Variants in TENM2 observed in about 807,000 individuals in gnomAD.
TENM2 encodes teneurin transmembrane protein 2.
TENM2 carries 52 observed loss-of-function variants against 245.2 expected under a neutral mutation model. That is an observed-to-expected ratio of 0.21 (90% confidence interval 0.17 to 0.27). The LOEUF is 0.27. Ranked by LOEUF, TENM2 falls within the 10% of genes least tolerant of loss-of-function variation. TENM2 has a pLI of 1.00. For missense variants in TENM2, 3,046 were observed against 3,666.8 expected (o/e 0.83, Z 4.37); for synonymous variants, 1,363 against 1,438.9 (o/e 0.95, Z 1.19).
At chr5:167,745,592 G>A (rs1189773564) in intron 2 of TENM2, among the ~76,000 whole-genome samples, 1 of 152,064 alleles carries the variant, frequency 6.6e-6, no homozygotes, top group African/African-American at 2.4e-5. Context: ...GCAAATTTAT[G>A]GAGTTGAACA....
chr5:167,489,756 T>C (rs564618187), intron 2 of TENM2, among the ~76,000 whole-genome samples: 61 of 152,330 alleles, frequency 4.0e-4, no homozygotes, highest in African/African-American at 1.4e-3. Flanking sequence ...TTTTCGTAAG[T>C]GAATGAATAA....
chr5:168,044,203 C>T (rs1330994613), intron 5 of TENM2, among the ~76,000 whole-genome samples: 3 of 152,138 alleles, frequency 2.0e-5, no homozygotes, highest in African/African-American at 7.2e-5. Flanking sequence ...ATCACGAGGT[C>T]AGGAGATCAA....
chr5:167,853,011 G>T (rs935513019), intron 2 of TENM2, among the ~76,000 whole-genome samples: 1 of 147,866 alleles, frequency 6.8e-6, no homozygotes, highest in Non-Finnish European at 1.5e-5. Flanking sequence ...GCTCTGCCAG[G>T]CGCGGTGGCT....
chr5:167,261,717 C>G, the TENM2 span, among the ~76,000 whole-genome samples: 1 of 152,146 alleles, frequency 6.6e-6, no homozygotes, highest in African/African-American at 2.4e-5. Context: ...CTTTGATTAA[C>G]CTTCCCCCAC....
the TENM2 span, among the ~76,000 whole-genome samples, chr5:167,216,620 T>G: frequency 6.6e-6 from 1 of 152,144 alleles, no homozygotes; most frequent in East Asian, 1.9e-4. Flanking sequence ...ATCTTAGATA[T>G]TCCCATCATT....
the TENM2 span, among the ~76,000 whole-genome samples, chr5:167,180,340 C>T: frequency 6.6e-6 from 1 of 152,026 alleles, no homozygotes; most frequent in Non-Finnish European, 1.5e-5. Flanking sequence ...AACCCCTGAC[C>T]TCAGGTGATC....
chr5:167,428,668 A>T (rs937660585), intron 2 of TENM2, among the ~76,000 whole-genome samples: 1 of 152,190 alleles, frequency 6.6e-6, no homozygotes, highest in Non-Finnish European at 1.5e-5. Flanking sequence ...GATGTATTTG[A>T]TCTTATCTTA....
chr5:168,045,593 C>T (rs1788542239), intron 5 of TENM2, among the ~76,000 whole-genome samples: 1 of 152,194 alleles, frequency 6.6e-6, no homozygotes, highest in African/African-American at 2.4e-5. Context: ...CTTTGTTAGG[C>T]CTGGGTTCCA....
At chr5:168,209,615 C>T (rs895163105) in intron 19 of TENM2, among the ~76,000 whole-genome samples, 1 of 152,096 alleles carries the variant, frequency 6.6e-6, no homozygotes, top group East Asian at 1.9e-4. Flanking sequence ...AAATGTGGCA[C>T]AGAGAGAGTT....
the TENM2 span, among the ~76,000 whole-genome samples, chr5:167,240,087 C>A: frequency 3.9e-5 from 6 of 152,086 alleles, no homozygotes; most frequent in Non-Finnish European, 2.9e-5. Context: ...TTTTAAATAG[C>A]CTTTACTGGG....
intron 2 of TENM2, among the ~76,000 whole-genome samples, chr5:167,837,315 A>G (rs1018482863): frequency 6.6e-6 from 1 of 152,136 alleles, no homozygotes; most frequent in Non-Finnish European, 1.5e-5. Context: ...ATCACTGATA[A>G]TTACCTCAAG....
chr5:167,481,911 G>A (rs1390474895), intron 2 of TENM2, among the ~76,000 whole-genome samples: 1 of 152,106 alleles, frequency 6.6e-6, no homozygotes, highest in Non-Finnish European at 1.5e-5. Context: ...ATATATTACC[G>A]TCAATTTTGC....
intron 2 of TENM2, among the ~76,000 whole-genome samples, chr5:167,579,758 C>T (rs1381223782): frequency 6.6e-6 from 1 of 152,208 alleles, no homozygotes; most frequent in Non-Finnish European, 1.5e-5. Context: ...GTTTACCTCT[C>T]TGCCCCCATA....
intron 1 of TENM2, among the ~76,000 whole-genome samples, chr5:167,322,793 G>T (rs1389167841): frequency 6.6e-6 from 1 of 152,184 alleles, no homozygotes; most frequent in African/African-American, 2.4e-5. Flanking sequence ...TAGGTCATCT[G>T]CCACTGACTT....
intron 1 of TENM2, among the ~76,000 whole-genome samples, chr5:167,285,442 C>T (rs987973091): frequency 1.3e-5 from 2 of 152,196 alleles, no homozygotes; most frequent in Admixed American, 1.3e-4. Context: ...CTGAGTTATA[C>T]GTTTCTCTTT....
Position 167,823,064 on chromosome 5 carries a change from C to A in TENM2, c.503-52922C>A, listed in dbSNP as rs542472648. ...TTGTTACCAGTGTGAGAGAGGCAAC[C>A]CTTTGTACTGCATCGCTTGCCAGAT... On this transcript the variant is annotated intron_variant, in intron 2 of 28. Transcript: ENST00000518659. 5.9e-5 allele frequency among the ~76,000 whole-genome samples: 9 copies of A among 152,194 alleles called. No homozygotes were observed. In the South Asian group the frequency reaches 1.9e-3, roughly 32 times the overall value.
chr5:167,755,526 G>A (rs1762256575), intron 2 of TENM2, among the ~76,000 whole-genome samples: 1 of 151,706 alleles, frequency 6.6e-6, no homozygotes, highest in Non-Finnish European at 1.5e-5. Context: ...CATCTGTTAA[G>A]TCAAGCATCC....
chr5:167,932,857 C>T (rs1333126432), intron 3 of TENM2, among the ~76,000 whole-genome samples: 1 of 152,116 alleles, frequency 6.6e-6, no homozygotes, highest in East Asian at 1.9e-4. Flanking sequence ...TTTGCCAACC[C>T]CAAAACCAAA....
At chr5:167,838,825 G>A (rs1296794891) in intron 2 of TENM2, among the ~76,000 whole-genome samples, 1 of 152,126 alleles carries the variant, frequency 6.6e-6, no homozygotes, top group African/African-American at 2.4e-5. Flanking sequence ...CCGTGAACTT[G>A]GGTTTGTTCT....
Sources: allele counts gnomAD v4.1 joint callset (sites outside exome capture counted in the v4.1 genomes callset), GRCh38; gene constraint gnomAD v4.1.1; transcripts MANE v1.5; gene names NCBI Gene and HGNC (gene_info 2026-07-23, HGNC 2026-07-21).